The following NOTCH2NLC variants were observed in gnomAD, a reference collection of about 807,000 sequenced individuals.
The protein encoded by NOTCH2NLC is notch 2 N-terminal like C.
In NOTCH2NLC, 4 loss-of-function variants were observed where a neutral mutation model predicts 17.7. The ratio of observed to expected loss-of-function variants is 0.23; its 90% CI spans 0.11 to 0.52. The LOEUF (loss-of-function observed/expected upper bound fraction) is 0.52. NOTCH2NLC is among the 20% of genes least tolerant of loss of function. NOTCH2NLC has a pLI of 0.96. For synonymous variants in NOTCH2NLC, 18 were observed against 86.0 expected (o/e 0.21, Z 4.38); for missense variants, 57 against 207.2 (o/e 0.28, Z 4.45).
Position 149,464,812 on chromosome 1 carries a change from T to C in NOTCH2NLC, c.*659T>C, listed in dbSNP as rs1342436954. ...GGAGTAATGTGCTAAGTAAGCAGAA[T>C]TGCCTCCAAAAGAAGTTGTTCTAGT... On this transcript the variant is annotated 3_prime_UTR_variant, in exon 5 of 5. Coordinates refer to ENST00000650865, the MANE Select transcript of NOTCH2NLC (RefSeq NM_001364013.2). The C allele has an allele frequency of 2.6e-5, 4 of 151,576 alleles. 1 individual carries two copies. In the East Asian group the frequency reaches 7.8e-4, roughly 30 times the overall value. The allele number at this position is 151,576 out of a possible 1,614,324, so 9.4% of individuals were successfully genotyped here. A position where few individuals can be genotyped will look rare whatever the true frequency, so the allele number is the denominator to read the frequency against.
chr1:149,391,003 C>T (rs2084163011), intron 1 of NOTCH2NLC, 81 bp downstream of exon 1: 12 of 1,116,166 alleles, frequency 1.1e-5, no homozygotes, highest in Non-Finnish European at 1.3e-5. Context: ...CGGTCCTTCT[C>T]TGTGTGGGAA....
intron 1 of NOTCH2NLC, among the ~76,000 whole-genome samples, chr1:149,400,383 ATTTTC>A (rs2084238230): frequency 2.2e-5 from 3 of 135,808 alleles, no homozygotes; most frequent in African/African-American, 8.1e-5. Flanking sequence ...TCATTTAATT[ATTTTC>A]TTACTGGTTT....
Position 149,412,842 on chromosome 1 carries a change from G to A in NOTCH2NLC, c.136-18100G>A, listed in dbSNP as rs1359103393. Among the ~76,000 whole-genome samples the A allele has an allele frequency of 3.6e-5, 5 of 137,692 alleles. 1 individual carries two copies. The highest frequency in any genetic ancestry group is 7.9e-5 in the Non-Finnish European group (5 of 63,674). The allele number at this position is 137,692 out of a possible 152,430, so 90.3% of individuals were successfully genotyped here. On this transcript the variant is annotated intron_variant, in intron 1 of 4. Coordinates refer to ENST00000650865, the MANE Select transcript of NOTCH2NLC (RefSeq NM_001364013.2). The stretch of plus-strand genomic sequence containing the variant: ...AAAAAAAAAAAAAAACCAAGGTAAA[G>A]TAATTTTTCAAGAGCACAAAAATAG...
chr1:149,427,204 C>G (rs1198792411), intron 1 of NOTCH2NLC, among the ~76,000 whole-genome samples: 6 of 150,560 alleles, frequency 4.0e-5, no homozygotes, highest in Non-Finnish European at 5.9e-5. Flanking sequence ...ATATTCACCA[C>G]TCTATGCAAT....
At chr1:149,410,438 T>C (rs1195437620) in intron 1 of NOTCH2NLC, among the ~76,000 whole-genome samples, 2 of 146,400 alleles carry the variant, frequency 1.4e-5, no homozygotes, top group African/African-American at 5.0e-5. Flanking sequence ...GAAATTAAGG[T>C]TCTATAGAAA....
chr1:149,449,271 A>G (rs2084575946), intron 2 of NOTCH2NLC, among the ~76,000 whole-genome samples: 1 of 150,906 alleles, frequency 6.6e-6, no homozygotes, highest in African/African-American at 2.4e-5. Context: ...AATACAAGAG[A>G]CAATAGCTAT....
chr1:149,393,396 A>G (rs2084186735), intron 1 of NOTCH2NLC, among the ~76,000 whole-genome samples: 1 of 150,848 alleles, frequency 6.6e-6, no homozygotes, highest in Non-Finnish European at 1.5e-5. Flanking sequence ...AGGCTTCTTG[A>G]ATCCTCTTAA....
In NOTCH2NLC at chr1:149,414,841, G is replaced by A. The variant is rs1414824976; in HGVS notation, c.136-16101G>A. Among the ~76,000 whole-genome samples, 16 of 145,962 alleles carry A rather than the reference G, an allele frequency of 1.1e-4. 1 individual carries two copies. Among genetic ancestry groups the A allele is most frequent in the South Asian group, 6.7e-4 (3 of 4,504 alleles). On this transcript the variant is annotated intron_variant, in intron 1 of 4. Coordinates refer to ENST00000650865, the MANE Select transcript of NOTCH2NLC (RefSeq NM_001364013.2). ...TTGTAGCTTATCTTTTACTCCCCAC[G>A]TTTCAAATATCCGTTTGCAAAATAA...
At chr1:149,440,354 C>T (rs1486491739) in intron 2 of NOTCH2NLC, among the ~76,000 whole-genome samples, 1 of 144,896 alleles carries the variant, frequency 6.9e-6, no homozygotes, top group Non-Finnish European at 1.5e-5. Context: ...GCCTGTGTTA[C>T]CTGACTTCTT....
At chr1:149,417,302 G>T (rs1373448294) in intron 1 of NOTCH2NLC, among the ~76,000 whole-genome samples, 27 of 150,354 alleles carry the variant, frequency 1.8e-4, no homozygotes, top group African/African-American at 5.6e-4. Flanking sequence ...TAGAGACGGG[G>T]TTTCACCGTG....
Position 149,390,959 on chromosome 1 carries a change from CG to C in NOTCH2NLC, c.135+41del, listed in dbSNP as rs1210715142. 35 of 1,343,782 alleles carry C rather than the reference CG, an allele frequency of 2.6e-5. 1 individual carries two copies. Among genetic ancestry groups the C allele is most frequent in the Non-Finnish European group, 3.3e-5 (35 of 1,047,292 alleles). 83.2% of individuals were successfully genotyped at this position (1,343,782 alleles called of 1,614,324 possible). ...GCTGAGGGGCGCTGTCCGCGGCGCC[CG>C]GGGCTGCCACCTGGGGCGACCCTTC... On this transcript the variant is annotated intron_variant, in intron 1 of 4. Coordinates refer to ENST00000650865, the MANE Select transcript of NOTCH2NLC (RefSeq NM_001364013.2).
Position 149,411,356 on chromosome 1 carries a change from G to A in NOTCH2NLC, c.136-19586G>A. Among the ~76,000 whole-genome samples, 2 of 147,618 alleles carry A rather than the reference G, an allele frequency of 1.4e-5. 1 individual carries two copies. Among genetic ancestry groups the A allele is most frequent in the East Asian group, 4.0e-4 (2 of 4,962 alleles). ...CAGGCGTTGCTGGGATCTCTTCACAGCACCTCCACTGCATAGAGGTGAGCC... is the reference window on the plus strand; with the variant it reads ...CAGGCGTTGCTGGGATCTCTTCACAACACCTCCACTGCATAGAGGTGAGCC... On this transcript the variant is annotated intron_variant, in intron 1 of 4. Coordinates refer to ENST00000650865, the MANE Select transcript of NOTCH2NLC (RefSeq NM_001364013.2).
At chr1:149,460,891 CTTTCTTTCTTTCTTT>C (rs2084644078) in intron 3 of NOTCH2NLC, among the ~76,000 whole-genome samples, 13 of 131,768 alleles carry the variant, frequency 9.9e-5, no homozygotes, top group Non-Finnish European at 1.3e-4. Flanking sequence ...TTCTTTCTTT[CTTTCTTTCTTTCTTT>C]CTTTCTTTCT....
At chr1:149,428,289 T>TA (rs2084423898) in intron 1 of NOTCH2NLC, among the ~76,000 whole-genome samples, 1 of 143,996 alleles carries the variant, frequency 6.9e-6, no homozygotes, top group Non-Finnish European at 1.5e-5. Flanking sequence ...TTCCAATGCT[T>TA]ACTAAAGTTT....
intron 1 of NOTCH2NLC, among the ~76,000 whole-genome samples, chr1:149,413,070 T>G (rs1426032116): frequency 1.3e-5 from 2 of 149,050 alleles, no homozygotes; most frequent in African/African-American, 2.5e-5. Flanking sequence ...ACCACCCGGC[T>G]AATTTTTTTG....
intron 1 of NOTCH2NLC, among the ~76,000 whole-genome samples, chr1:149,423,411 A>T (rs2084389771): frequency 6.6e-6 from 1 of 151,278 alleles, no homozygotes; most frequent in African/African-American, 2.4e-5. Context: ...TGGAATACAA[A>T]ATTTAGAGAA....
intron 2 of NOTCH2NLC, among the ~76,000 whole-genome samples, chr1:149,442,171 G>A (rs1466558575): frequency 1.7e-4 from 26 of 149,440 alleles, no homozygotes; most frequent in African/African-American, 5.9e-4. Flanking sequence ...ATAGAAGATG[G>A]TTAGACCTTT....
At chr1:149,414,717 C>T (rs1288833950) in intron 1 of NOTCH2NLC, among the ~76,000 whole-genome samples, 1 of 151,048 alleles carries the variant, frequency 6.6e-6, no homozygotes, top group Non-Finnish European at 1.5e-5. Flanking sequence ...GATGGTCTTA[C>T]ACCTCCCCTA....
At chr1:149,433,429 C>T (rs1430645558) in intron 2 of NOTCH2NLC, among the ~76,000 whole-genome samples, 3 of 150,164 alleles carry the variant, frequency 2.0e-5, no homozygotes, top group African/African-American at 7.4e-5. Flanking sequence ...ACATGTATCC[C>T]AAAACTTAAA....
Sources: allele counts gnomAD v4.1 joint callset (sites outside exome capture counted in the v4.1 genomes callset), GRCh38; gene constraint gnomAD v4.1.1; transcripts MANE v1.5; gene names NCBI Gene and HGNC (gene_info 2026-07-23, HGNC 2026-07-21).